Variants in NOX3 observed in about 807,000 individuals in gnomAD.
The protein encoded by NOX3 is NADPH oxidase catalytic subunit-like 3.
NOX3 carries 74 observed loss-of-function variants against 76.7 expected under a neutral mutation model. The ratio of observed to expected loss-of-function variants is 0.96; its 90% CI spans 0.80 to 1.17. The LOEUF (loss-of-function observed/expected upper bound fraction) is 1.17, where lower values mean the gene tolerates loss of function less well. NOX3 is among the 50% of genes most tolerant of loss of function. The pLI, the probability that NOX3 is intolerant of heterozygous loss-of-function variation, is 0.00. For missense variants in NOX3, 695 were observed against 703.3 expected (o/e 0.99, Z 0.13); for synonymous variants, 263 against 261.1 (o/e 1.01, Z -0.07).
At chr6:155,437,677 C>CT (rs1267668476) in intron 6 of NOX3, among the ~76,000 whole-genome samples, 33 of 152,188 alleles carry the variant, frequency 2.2e-4, no homozygotes, top group African/African-American at 7.7e-4. Flanking sequence ...ATTCCAGATA[C>CT]TTTAACACTT....
chr6:155,442,755 A>T (rs1034099832), intron 5 of NOX3, among the ~76,000 whole-genome samples: 1 of 152,236 alleles, frequency 6.6e-6, no homozygotes, highest in African/African-American at 2.4e-5. Flanking sequence ...CTGGCCATGC[A>T]GGTCTCATTA....
At chr6:155,429,178 T>C in intron 8 of NOX3, 131 bp from the exon 9 acceptor site, 1 of 850,338 alleles carries the variant, frequency 1.2e-6, no homozygotes, top group Non-Finnish European at 1.7e-6. Context: ...CATCTGCTGT[T>C]AGCTCCCAAA....
intron 4 of NOX3, among the ~76,000 whole-genome samples, chr6:155,447,136 C>T (rs1777075087): frequency 6.6e-6 from 1 of 151,516 alleles, no homozygotes; most frequent in Non-Finnish European, 1.5e-5. Flanking sequence ...AACTCTGCCT[C>T]TCGGGTTCAA....
chr6:155,413,847 T>C (rs1421473487), intron 10 of NOX3, among the ~76,000 whole-genome samples: 1 of 152,194 alleles, frequency 6.6e-6, no homozygotes, highest in Non-Finnish European at 1.5e-5. Context: ...AACACATTCA[T>C]AGATGGATAA....
intron 9 of NOX3, among the ~76,000 whole-genome samples, chr6:155,424,875 T>C (rs1018550542): frequency 2.0e-5 from 3 of 152,224 alleles, no homozygotes; most frequent in African/African-American, 7.2e-5. Context: ...TATTTGACAC[T>C]GATTTAAAAA....
At chr6:155,455,578 T>C (rs1301111686) in intron 1 of NOX3, among the ~76,000 whole-genome samples, 175 bp downstream of exon 1, 1 of 152,194 alleles carries the variant, frequency 6.6e-6, no homozygotes, top group African/African-American at 2.4e-5. Context: ...GAAAACAACT[T>C]TGCATGATTC....
In NOX3 at chr6:155,440,143, A is replaced by G. The variant is rs747631601; in HGVS notation, c.487-6T>C. 2.0e-5 allele frequency: 31 copies of G among 1,554,288 alleles called. No individual in the cohort carries two copies. Among genetic ancestry groups the G allele is most frequent in the East Asian group, 1.6e-4 (7 of 44,178 alleles). On this transcript the variant is annotated splice_region_variant and splice_polypyrimidine_tract_variant and intron_variant, in intron 5 of 13. Transcript: ENST00000159060. ...AGCAATTCAGTGGTTGTGTTCTAAA[A>G]AAAACAACAACAACAAAAAAAGAAA...
At chr6:155,427,462 T>C (rs992158877) in intron 9 of NOX3, among the ~76,000 whole-genome samples, 3 of 152,228 alleles carry the variant, frequency 2.0e-5, no homozygotes, top group African/African-American at 7.2e-5. Context: ...GCTTCATTAA[T>C]TCTTTTGTCA....
At chr6:155,399,899 A>G (rs749271409) in intron 12 of NOX3, among the ~76,000 whole-genome samples, 4 of 152,216 alleles carry the variant, frequency 2.6e-5, no homozygotes, top group Non-Finnish European at 1.5e-5. Context: ...TTCAGTTTAC[A>G]GCCTGCAAGC....
At chr6:155,418,512 A>G (rs537137786) in intron 10 of NOX3, among the ~76,000 whole-genome samples, 5 of 152,282 alleles carry the variant, frequency 3.3e-5, no homozygotes, top group Admixed American at 3.3e-4. Flanking sequence ...ACAGCAAGCC[A>G]TCATTATACT....
chr6:155,443,347 G>GT lies in NOX3; in HGVS notation c.411dup (p.Leu138ThrfsTer13), dbSNP rs1562471209. ...CCCAGCTTGGAAAGTGCGGCCAGAAGTCCCTGGGCCTCCTCGGACTGGCTC... is the reference window on the plus strand; with the variant it reads ...CCCAGCTTGGAAAGTGCGGCCAGAAGTTCCCTGGGCCTCCTCGGACTGGCTC... On this transcript the variant is annotated frameshift_variant, in exon 5 of 14. Coordinates refer to ENST00000159060, the MANE Select transcript of NOX3 (RefSeq NM_015718.3). LOFTEE classifies it high-confidence loss of function. The GT allele has an allele frequency of 6.2e-7, 1 of 1,614,136 alleles. No individual in the cohort carries two copies.
chr6:155,445,957 C>T (rs1322721822), intron 4 of NOX3, among the ~76,000 whole-genome samples: 3 of 126,120 alleles, frequency 2.4e-5, no homozygotes, highest in African/African-American at 9.3e-5. Context: ...TATATATATG[C>T]TATATATATA....
chr6:155,452,230 G>A (rs144502562), intron 4 of NOX3, among the ~76,000 whole-genome samples: 108 of 152,210 alleles, frequency 7.1e-4, no homozygotes, highest in African/African-American at 2.5e-3. Context: ...TAATTTTCAA[G>A]GTGCGGAAAA....
chr6:155,421,143 G>T (rs1445743851), intron 10 of NOX3, among the ~76,000 whole-genome samples: 1 of 152,182 alleles, frequency 6.6e-6, no homozygotes, highest in East Asian at 1.9e-4. Flanking sequence ...TGCAGGAGGA[G>T]CTGGGGGTCA....
In NOX3 at chr6:155,454,886, G is replaced by A; in HGVS notation, c.180C>T (p.Cys60=). ...TLAWARASAL[C]LNFNCMLILI... ...GAATTAGCATGCAGTTAAAATTCAG[G>A]CACAGTGCGGATGCTCGTGCCCAAG... is the stretch of plus-strand genomic sequence containing the variant. Residue 60 remains cysteine (C), a synonymous_variant, in exon 3 of 14, where the codon TGC becomes TGT. Coordinates refer to ENST00000159060, the MANE Select transcript of NOX3 (RefSeq NM_015718.3). The A allele has an allele frequency of 1.2e-6, 2 of 1,610,810 alleles. No individual in the cohort carries two copies. The highest frequency in any genetic ancestry group is 2.2e-5 in the East Asian group (1 of 44,806).
chr6:155,400,360 G>A (rs774290921), intron 12 of NOX3, among the ~76,000 whole-genome samples: 3 of 152,054 alleles, frequency 2.0e-5, no homozygotes, highest in Admixed American at 1.3e-4. Context: ...TAACCCTGTA[G>A]GGGCAGACCC....
intron 5 of NOX3, among the ~76,000 whole-genome samples, chr6:155,441,687 G>A (rs1352592109): frequency 2.6e-5 from 4 of 152,110 alleles, no homozygotes; most frequent in Admixed American, 2.6e-4. Context: ...ATTGGTAGTA[G>A]CTTTATTATT....
intron 4 of NOX3, among the ~76,000 whole-genome samples, chr6:155,447,015 C>A (rs976465917): frequency 4.6e-5 from 7 of 150,874 alleles, no homozygotes; most frequent in African/African-American, 1.7e-4. Context: ...TTTATAACTT[C>A]TTTTTTGCAG....
chr6:155,399,958 T>C (rs2114672970), intron 12 of NOX3, among the ~76,000 whole-genome samples: 1 of 152,316 alleles, frequency 6.6e-6, no homozygotes, highest in South Asian at 2.1e-4. Flanking sequence ...ACAATGTTAA[T>C]GGCATTGATC....
Sources: gnomAD v4.1 joint callset for allele counts (sites outside exome capture counted in the v4.1 genomes callset) on GRCh38, gnomAD v4.1.1 for gene constraint, MANE v1.5 for transcripts, NCBI Gene and HGNC (gene_info 2026-07-23, HGNC 2026-07-21) for gene names.